Variants in NLGN1 observed in about 807,000 individuals in gnomAD.
NLGN1 encodes neuroligin-1.
A neutral mutation model predicts 65.5 loss-of-function variants in NLGN1; 12 were observed. The observed-to-expected ratio is 0.18, with a 90% CI of 0.12 to 0.30. NLGN1 has a LOEUF of 0.30. Among genes scored for constraint, NLGN1 ranks in the 10% least tolerant of loss-of-function variants. The probability of loss-of-function intolerance (pLI) is 1.00; values close to 1 mark genes in which losing one functional copy is unlikely to be tolerated. For missense variants in NLGN1, 750 were observed against 1,007.1 expected, an observed-to-expected ratio of 0.74 and a Z score of 3.46; for synonymous variants, 350 against 359.5, an observed-to-expected ratio of 0.97 and a Z score of 0.30.
intron 4 of NLGN1, among the ~76,000 whole-genome samples, chr3:173,994,040 T>C (rs1333545792): frequency 6.6e-6 from 1 of 152,092 alleles, no homozygotes; most frequent in African/African-American, 2.4e-5. Context: ...TAGATTGCCA[T>C]AAAGGATTTT....
intron 4 of NLGN1, among the ~76,000 whole-genome samples, chr3:173,875,578 G>A (rs995590856): frequency 9.2e-5 from 14 of 152,100 alleles, no homozygotes; most frequent in African/African-American, 3.1e-4. Context: ...AGTTAATGTA[G>A]CAAGACTTAT....
chr3:173,590,163 C>T (rs1271333879), intron 2 of NLGN1, among the ~76,000 whole-genome samples: 2 of 152,090 alleles, frequency 1.3e-5, no homozygotes, highest in African/African-American at 2.4e-5. Context: ...TAATAGTTAA[C>T]TATAGAGCTA....
chr3:173,562,251 C>T (rs1384897118), intron 2 of NLGN1, among the ~76,000 whole-genome samples: 1 of 152,112 alleles, frequency 6.6e-6, no homozygotes, highest in Admixed American at 6.5e-5. Flanking sequence ...AGGAATGCTG[C>T]AAGTGAACTT....
intron 3 of NLGN1, among the ~76,000 whole-genome samples, chr3:173,746,503 G>A (rs1775404734): frequency 6.6e-6 from 1 of 151,858 alleles, no homozygotes; most frequent in Non-Finnish European, 1.5e-5. Context: ...TCTCTAGCTT[G>A]TATCAGGACT....
At chr3:173,875,095 C>T (rs1731873321) in intron 4 of NLGN1, among the ~76,000 whole-genome samples, 1 of 152,250 alleles carries the variant, frequency 6.6e-6, no homozygotes. Context: ...TGTACCTGAG[C>T]AAGGAATTTT....
intron 4 of NLGN1, among the ~76,000 whole-genome samples, chr3:174,076,130 G>T (rs1342669964): frequency 6.6e-6 from 1 of 151,990 alleles, no homozygotes; most frequent in African/African-American, 2.4e-5. Flanking sequence ...TGGTTTTAAA[G>T]CAAGATGTTT....
intron 4 of NLGN1, among the ~76,000 whole-genome samples, chr3:174,083,020 C>G (rs972198746): frequency 9.2e-5 from 14 of 152,186 alleles, no homozygotes; most frequent in African/African-American, 3.1e-4. Flanking sequence ...AGCCACCATG[C>G]CTGGCCCTGT....
At chr3:173,629,592 A>G (rs1755359838) in intron 3 of NLGN1, among the ~76,000 whole-genome samples, 1 of 152,300 alleles carries the variant, frequency 6.6e-6, no homozygotes, top group African/African-American at 2.4e-5. Context: ...CTAGGTAACA[A>G]TAGGTCATAA....
rs150317518 is a variant in NLGN1 at position 173,593,696 on chromosome 3, G to A, written c.-320-10583G>A. On this transcript the variant is annotated intron_variant, in intron 2 of 6. Transcript: ENST00000457714. ...ACAAGTTGGGCCCAATTAACTGAGCGCTGCTTCCAGGGCTGTGCTGTATTA... is the reference window on the plus strand; with the variant it reads ...ACAAGTTGGGCCCAATTAACTGAGCACTGCTTCCAGGGCTGTGCTGTATTA... Among the ~76,000 whole-genome samples the A allele has an allele frequency of 1.6e-3, 239 of 152,216 alleles. 1 individual carries two copies. The highest frequency in any genetic ancestry group is 2.7e-3 in the Non-Finnish European group (181 of 68,002).
At chr3:173,661,732 G>A (rs1760955247) in intron 3 of NLGN1, among the ~76,000 whole-genome samples, 1 of 151,920 alleles carries the variant, frequency 6.6e-6, no homozygotes, top group Admixed American at 6.6e-5. Flanking sequence ...TAAACAATAT[G>A]GAATCATTAG....
rs191548274 is a variant in NLGN1 at position 174,110,934 on chromosome 3, C to G, written c.647-164381C>G. Among the ~76,000 whole-genome samples, 98 of 151,978 alleles carry G rather than the reference C, an allele frequency of 6.4e-4. No homozygotes were observed. The South Asian group carries it at 7.3e-3, about 11-fold the overall frequency. ...TATGGCCTTTGGTAAATAGTTACTT[C>G]TGCTTTTTAAAGGTCACAGTCAGAA... On this transcript the variant is annotated intron_variant, in intron 4 of 6. Transcript: ENST00000457714.
At chr3:174,011,605 G>C (rs1725559853) in intron 4 of NLGN1, among the ~76,000 whole-genome samples, 1 of 152,020 alleles carries the variant, frequency 6.6e-6, no homozygotes, top group African/African-American at 2.4e-5. Context: ...GAAGAAACCT[G>C]GGTTCAAGTG....
rs555518201 is a variant in NLGN1 at position 173,447,364 on chromosome 3, C to G, written c.-321+12286C>G. Among the ~76,000 whole-genome samples the G allele has an allele frequency of 3.2e-4, 49 of 152,252 alleles. No individual in the cohort carries two copies. In the South Asian group the frequency reaches 9.8e-3, roughly 30 times the overall value. ...TGTTTTTCTCAGGTTTGTCAAAGATCAGGTAGTTGTAGATACATGGCATTA... is the reference window on the plus strand; with the variant it reads ...TGTTTTTCTCAGGTTTGTCAAAGATGAGGTAGTTGTAGATACATGGCATTA... On this transcript the variant is annotated intron_variant, in intron 2 of 6. Transcript: ENST00000457714.
intron 4 of NLGN1, among the ~76,000 whole-genome samples, chr3:174,213,919 A>C (rs1314533517): frequency 6.6e-6 from 1 of 152,176 alleles, no homozygotes; most frequent in Non-Finnish European, 1.5e-5. Flanking sequence ...ATGCTATTTT[A>C]CCATATTTAA....
chr3:173,826,205 A>G (rs940964419), intron 4 of NLGN1, among the ~76,000 whole-genome samples: 2 of 152,088 alleles, frequency 1.3e-5, no homozygotes, highest in Non-Finnish European at 2.9e-5. Flanking sequence ...CTGGAAATAT[A>G]GAAAACTCTT....
At chr3:174,284,428 C>T (rs992197327) in exon 7 of NLGN1, 1 of 151,174 alleles carries the variant, frequency 6.6e-6, no homozygotes, top group Non-Finnish European at 1.5e-5. Flanking sequence ...CTTTGAAAAA[C>T]AATGTAAGTA....
intron 4 of NLGN1, among the ~76,000 whole-genome samples, chr3:173,868,657 A>G (rs768415117): frequency 6.6e-6 from 1 of 152,148 alleles, no homozygotes; most frequent in Non-Finnish European, 1.5e-5. Flanking sequence ...GTTCTAGGTA[A>G]AGAAAGTCTA....
intron 3 of NLGN1, among the ~76,000 whole-genome samples, chr3:173,640,469 A>G (rs920541610): frequency 1.3e-5 from 2 of 152,162 alleles, no homozygotes; most frequent in African/African-American, 4.8e-5. Flanking sequence ...TTAAACTAAC[A>G]GATAGCAGGA....
intron 3 of NLGN1, among the ~76,000 whole-genome samples, chr3:173,706,150 C>T (rs1283420402): frequency 6.6e-6 from 1 of 152,034 alleles, no homozygotes; most frequent in African/African-American, 2.4e-5. Flanking sequence ...TTTATAGAGA[C>T]AAAATTGTTT....
Sources: allele counts gnomAD v4.1 joint callset (sites outside exome capture counted in the v4.1 genomes callset), GRCh38; gene constraint gnomAD v4.1.1; transcripts MANE v1.5; gene names NCBI Gene and HGNC (gene_info 2026-07-23, HGNC 2026-07-21).